CLCA4: variants seen among roughly 807,000 people sequenced by gnomAD.
CLCA4 encodes chloride channel accessory 4.
In CLCA4, 69 loss-of-function variants were observed where a neutral mutation model predicts 78.9. The observed-to-expected ratio is 0.87, with a 90% CI of 0.72 to 1.07. CLCA4 has a LOEUF of 1.07. Ranked by LOEUF, CLCA4 falls within the 50% of genes least tolerant of loss-of-function variation. The pLI is 0.00. For synonymous variants in CLCA4, 362 were observed against 375.8 expected, an observed-to-expected ratio of 0.96 and a Z score of 0.42; for missense variants, 1,133 against 1,095.8, an observed-to-expected ratio of 1.03 and a Z score of -0.48.
In CLCA4 at chr1:86,560,092, C is replaced by T. The variant is rs748881887; in HGVS notation, c.300+20C>T. On this transcript the variant is annotated intron_variant, in intron 2 of 13. Transcript: ENST00000370563. ...AAACATGTAAGTGTCGAAATATTCT[C>T]TTAAAAAATTATATTTTCTGATATT... The T allele has an allele frequency of 6.4e-7, 1 of 1,563,964 alleles. No homozygotes were observed. Among genetic ancestry groups the T allele is most frequent in the East Asian group, 2.3e-5 (1 of 44,120 alleles).
intron 1 of CLCA4, chr1:86,552,937 G>A (rs1367000175): frequency 1.5e-5 from 10 of 649,288 alleles, no homozygotes; most frequent in Middle Eastern, 2.7e-4. Context: ...CGGGTGCCTC[G>A]GCGTCTGTGC....
At position 86,565,459 on chromosome 1, in the gene CLCA4, T is replaced by C. The variant is rs752668233; in HGVS notation, c.735+8T>C. The C allele has an allele frequency of 8.4e-6, 13 of 1,543,942 alleles. 1 individual carries two copies. The highest frequency in any genetic ancestry group is 1.1e-5 in the Non-Finnish European group (13 of 1,138,178). On this transcript the variant is annotated splice_region_variant and intron_variant, in intron 5 of 13. Transcript: ENST00000370563. ...ATGCAAAGTATTGATTCTGTAAGTATGCTGATAATTGCTTCCAGAATTTAT... is the reference window on the plus strand; with the variant it reads ...ATGCAAAGTATTGATTCTGTAAGTACGCTGATAATTGCTTCCAGAATTTAT...
chr1:86,571,063 C>A lies in CLCA4; in HGVS notation c.1183-14C>A, dbSNP rs772599. The A allele has an allele frequency of 0.77, 1,230,285 of 1,593,944 alleles. 478,351 individuals carry two copies. Among genetic ancestry groups the A allele is most frequent in the East Asian group, 0.95 (42,390 of 44,756 alleles). ...AACATCTGTTGGTAACTGTGCTCTG[C>A]ATTATGTTTGCAGGTGATTGGAGAG... On this transcript the variant is annotated splice_polypyrimidine_tract_variant and intron_variant, in intron 7 of 13. Transcript: ENST00000370563.
intron 3 of CLCA4, among the ~76,000 whole-genome samples, chr1:86,562,084 A>G (rs1350014104): frequency 6.6e-6 from 1 of 151,690 alleles, no homozygotes; most frequent in Non-Finnish European, 1.5e-5. Flanking sequence ...CACACACACG[A>G]CACACACACA....
chr1:86,567,634 A>C lies in CLCA4; in HGVS notation c.1165A>C (p.Ile389Leu), dbSNP rs1650242062. Residue 389 changes from isoleucine to leucine, a missense_variant, in exon 7 of 14, where the codon ATT becomes CTT. Ile to Leu is a conservative substitution (Grantham distance 5). Transcript: ENST00000370563. ...GGGAGGAACTTCCATCTGCTCTGGA[A>C]TTAAATATGCATTTCAGGTGAAAAT... ...PLGGTSICSGIKYAFQVIGEL... is the reference protein window; with the variant it reads ...PLGGTSICSGLKYAFQVIGEL... 1 of 1,610,430 alleles carries C rather than the reference A, an allele frequency of 6.2e-7. No homozygotes were observed. Among genetic ancestry groups the C allele is most frequent in the East Asian group, 2.2e-5 (1 of 44,862 alleles).
chr1:86,573,669 A>T (rs1489852229), intron 9 of CLCA4, among the ~76,000 whole-genome samples: 1 of 152,064 alleles, frequency 6.6e-6, no homozygotes, highest in Non-Finnish European at 1.5e-5. Context: ...GTTAAAAATT[A>T]GTGTGAGATA....
At chr1:86,568,319 C>T (rs1294350330) in intron 7 of CLCA4, among the ~76,000 whole-genome samples, 2 of 149,654 alleles carry the variant, frequency 1.3e-5, no homozygotes, top group African/African-American at 4.9e-5. Context: ...ATACTTAGAA[C>T]AATATTTACT....
intron 10 of CLCA4, 117 bp downstream of exon 10, chr1:86,574,872 A>G: frequency 2.7e-6 from 2 of 741,108 alleles, no homozygotes; most frequent in Non-Finnish European, 4.5e-6. Flanking sequence ...AAGATAAAAT[A>G]GTATGTACTT....
intron 4 of CLCA4, among the ~76,000 whole-genome samples, chr1:86,564,717 CAT>C (rs1347264404): frequency 1.3e-5 from 2 of 152,108 alleles, no homozygotes; most frequent in African/African-American, 4.8e-5. Context: ...TTCCATAAAA[CAT>C]AGGTCTAAAA....
At chr1:86,552,433 G>A (rs977597459) in intron 1 of CLCA4, among the ~76,000 whole-genome samples, 5 of 152,234 alleles carry the variant, frequency 3.3e-5, no homozygotes, top group African/African-American at 7.2e-5. Context: ...GCCCTCCACA[G>A]CGGGGAAAGT....
intron 3 of CLCA4, among the ~76,000 whole-genome samples, chr1:86,560,885 A>G (rs1649997419): frequency 6.6e-6 from 1 of 152,212 alleles, no homozygotes; most frequent in African/African-American, 2.4e-5. Context: ...ATTTTGACCT[A>G]TAAAAATGGC....
chr1:86,558,095 A>G (rs1265352137), intron 1 of CLCA4, among the ~76,000 whole-genome samples: 2 of 151,994 alleles, frequency 1.3e-5, no homozygotes, highest in Non-Finnish European at 2.9e-5. Context: ...ATGCCTTTAT[A>G]AGATGATTCT....
Position 86,560,202 on chromosome 1 carries a change from C to T in CLCA4, c.301-9C>T. 6.3e-7 allele frequency: 1 copy of T among 1,585,566 alleles called. No homozygotes were observed. The highest frequency in any genetic ancestry group is 8.5e-7 in the Non-Finnish European group (1 of 1,170,212). ...TTTGATGTTTGACAATCTTTTTCAA[C>T]ATTCTCAGGCTGATGTTATAGTTGC... On this transcript the variant is annotated splice_polypyrimidine_tract_variant and intron_variant, in intron 2 of 13. Transcript: ENST00000370563.
intron 1 of CLCA4, among the ~76,000 whole-genome samples, chr1:86,558,451 C>T (rs1649913541): frequency 6.6e-6 from 1 of 152,102 alleles, no homozygotes; most frequent in Non-Finnish European, 1.5e-5. Flanking sequence ...ATATGAAATA[C>T]TTGGTTGAAG....
At chr1:86,571,973 T>G (rs915925640) in intron 8 of CLCA4, among the ~76,000 whole-genome samples, 2 of 152,086 alleles carry the variant, frequency 1.3e-5, no homozygotes, top group African/African-American at 4.8e-5. Flanking sequence ...TAATGCTTAG[T>G]TATACAAAAT....
chr1:86,562,058 A>G (rs1650038348), intron 3 of CLCA4, among the ~76,000 whole-genome samples: 1 of 152,104 alleles, frequency 6.6e-6, no homozygotes, highest in African/African-American at 2.4e-5. Flanking sequence ...CTGCCATAGC[A>G]CATATTAAAA....
At chr1:86,558,680 C>A (rs1649922168) in intron 1 of CLCA4, among the ~76,000 whole-genome samples, 1 of 152,092 alleles carries the variant, frequency 6.6e-6, no homozygotes, top group Admixed American at 6.5e-5. Flanking sequence ...AGTATGAGAG[C>A]CGAGCTAAGG....
At chr1:86,559,035 T>C (rs1317831647) in intron 1 of CLCA4, among the ~76,000 whole-genome samples, 1 of 152,108 alleles carries the variant, frequency 6.6e-6, no homozygotes, top group Admixed American at 6.5e-5. Context: ...TTGGGGATGA[T>C]CTTCTTGTGT....
In CLCA4 at chr1:86,574,667, T is replaced by C. The variant is rs905480350; in HGVS notation, c.1595T>C (p.Leu532Pro). 1 of 1,612,994 alleles carries C rather than the reference T, an allele frequency of 6.2e-7. No homozygotes were observed. Among genetic ancestry groups the C allele is most frequent in the Non-Finnish European group, 8.5e-7 (1 of 1,179,246 alleles). ...TWNSLPPSISLWDPSGTIMEN... is the reference protein window; with the variant it reads ...TWNSLPPSISPWDPSGTIMEN... ...AACAGTCTGCCTCCCAGTATTTCTC[T>C]CTGGGATCCCAGTGGAACAATAATG... Residue 532 changes from leucine (L) to proline (P), a missense_variant, in exon 10 of 14, where the codon CTC (leucine) becomes CCC (proline). By Grantham distance (98) the Leu-to-Pro change is moderately conservative. Coordinates refer to ENST00000370563, the MANE Select transcript of CLCA4 (RefSeq NM_012128.4).
Sources: gnomAD v4.1 joint callset for allele counts (sites outside exome capture counted in the v4.1 genomes callset) on GRCh38, gnomAD v4.1.1 for gene constraint, MANE v1.5 for transcripts, NCBI Gene and HGNC (gene_info 2026-07-23, HGNC 2026-07-21) for gene names.